GPR39: variants seen among roughly 807,000 people sequenced by gnomAD.
GPR39 encodes zinc sensing receptor.
Under a neutral mutation model 18.4 loss-of-function variants are expected in GPR39, and 23 were observed. That is an observed-to-expected ratio of 1.25 (90% confidence interval 0.90 to 1.77). The LOEUF is 1.77. Among genes scored for constraint, GPR39 ranks in the 40% most tolerant of loss-of-function variants. GPR39 has a pLI of 0.00. For missense variants in GPR39, 647 were observed against 602.4 expected, an observed-to-expected ratio of 1.07 and a Z score of -0.78; for synonymous variants, 280 against 257.9, an observed-to-expected ratio of 1.09 and a Z score of -0.82.
chr2:132,446,982 T>C (rs1488216742), intron 1 of GPR39, among the ~76,000 whole-genome samples: 3 of 152,022 alleles, frequency 2.0e-5, no homozygotes, highest in Non-Finnish European at 4.4e-5. Context: ...CCAAGGGGCA[T>C]GTAATAGTGT....
At chr2:132,615,770 T>C (rs948037020) in intron 1 of GPR39, among the ~76,000 whole-genome samples, 3 of 152,164 alleles carry the variant, frequency 2.0e-5, no homozygotes, top group African/African-American at 7.2e-5. Flanking sequence ...AGTCACTGTT[T>C]TGATGTGGGC....
intron 1 of GPR39, among the ~76,000 whole-genome samples, chr2:132,594,167 C>G (rs116140808): frequency 9.9e-5 from 15 of 152,236 alleles, no homozygotes; most frequent in Non-Finnish European, 2.1e-4. Context: ...CATACCCACC[C>G]CATTCTGCCT....
intron 1 of GPR39, among the ~76,000 whole-genome samples, chr2:132,439,145 C>G (rs904622133): frequency 6.6e-6 from 1 of 152,164 alleles, no homozygotes; most frequent in Non-Finnish European, 1.5e-5. Context: ...CCATTCGTAA[C>G]AAGCATTAGA....
At chr2:132,632,792 C>G (rs1037363793) in intron 1 of GPR39, among the ~76,000 whole-genome samples, 6 of 152,144 alleles carry the variant, frequency 3.9e-5, no homozygotes, top group African/African-American at 1.4e-4. Flanking sequence ...TTAATTTTAG[C>G]TGAGTATTAC....
chr2:132,524,944 C>G (rs1679483572), intron 1 of GPR39, among the ~76,000 whole-genome samples: 1 of 152,160 alleles, frequency 6.6e-6, no homozygotes, highest in Admixed American at 6.5e-5. Context: ...TTATACAGCC[C>G]ATACTCAAGC....
chr2:132,594,141 T>A (rs1437321229), intron 1 of GPR39, among the ~76,000 whole-genome samples: 1 of 152,106 alleles, frequency 6.6e-6, no homozygotes, highest in African/African-American at 2.4e-5. Flanking sequence ...CACTACCTTA[T>A]CACTGGGGGA....
intron 1 of GPR39, among the ~76,000 whole-genome samples, chr2:132,481,009 G>T (rs1238188011): frequency 6.6e-6 from 1 of 152,170 alleles, no homozygotes; most frequent in Admixed American, 6.5e-5. Flanking sequence ...AGGATTGGTT[G>T]TAAAAATTAG....
intron 1 of GPR39, among the ~76,000 whole-genome samples, chr2:132,522,324 T>C (rs1380422598): frequency 6.6e-6 from 1 of 152,166 alleles, no homozygotes; most frequent in African/African-American, 2.4e-5. Flanking sequence ...GGAAGGGACT[T>C]TATCCTATCC....
chr2:132,595,282 G>A (rs1301034949), intron 1 of GPR39, among the ~76,000 whole-genome samples: 2 of 152,152 alleles, frequency 1.3e-5, no homozygotes, highest in East Asian at 3.9e-4. Flanking sequence ...GATTATAGGT[G>A]TGAGCCACCG....
intron 1 of GPR39, among the ~76,000 whole-genome samples, chr2:132,640,611 C>T (rs1421732607): frequency 3.3e-5 from 5 of 152,148 alleles, no homozygotes; most frequent in Admixed American, 6.5e-5. Flanking sequence ...CATTACACCA[C>T]ACAGACCAAA....
chr2:132,439,385 C>T (rs1011265226), intron 1 of GPR39, among the ~76,000 whole-genome samples: 2 of 152,256 alleles, frequency 1.3e-5, no homozygotes, highest in South Asian at 2.1e-4. Context: ...TGCCAAGAGG[C>T]GCTTGGTAAA....
intron 1 of GPR39, among the ~76,000 whole-genome samples, chr2:132,643,506 T>C (rs1315906644): frequency 6.6e-6 from 1 of 152,190 alleles, no homozygotes; most frequent in African/African-American, 2.4e-5. Flanking sequence ...GGCTGTTTTT[T>C]CCTGGAGCAT....
intron 1 of GPR39, among the ~76,000 whole-genome samples, chr2:132,531,183 A>G (rs996294643): frequency 1.5e-4 from 23 of 152,194 alleles, no homozygotes; most frequent in African/African-American, 4.6e-4. Context: ...TGGAAAACAA[A>G]AAAAGGCAGG....
intron 1 of GPR39, among the ~76,000 whole-genome samples, chr2:132,529,898 G>A (rs886864438): frequency 6.6e-6 from 1 of 152,054 alleles, no homozygotes; most frequent in Non-Finnish European, 1.5e-5. Flanking sequence ...CCACAAAGAT[G>A]GGGAAAAAAC....
intron 1 of GPR39, among the ~76,000 whole-genome samples, chr2:132,518,426 C>T (rs1167907035): frequency 6.6e-6 from 1 of 152,172 alleles, no homozygotes; most frequent in Non-Finnish European, 1.5e-5. Flanking sequence ...TTTATTTTCT[C>T]CAACTTGATG....
At chr2:132,583,480 T>G (rs1386469250) in intron 1 of GPR39, among the ~76,000 whole-genome samples, 1 of 151,914 alleles carries the variant, frequency 6.6e-6, no homozygotes, top group Non-Finnish European at 1.5e-5. Context: ...GGTTAATGTC[T>G]TTAGGGTGCC....
chr2:132,567,736 T>C (rs189853778), intron 1 of GPR39, among the ~76,000 whole-genome samples: 3 of 152,322 alleles, frequency 2.0e-5, no homozygotes, highest in African/African-American at 7.2e-5. Context: ...CAGTGGTCTT[T>C]TACCTTGGCT....
intron 1 of GPR39, among the ~76,000 whole-genome samples, chr2:132,477,307 G>T (rs1282191333): frequency 6.6e-6 from 1 of 152,166 alleles, no homozygotes; most frequent in East Asian, 1.9e-4. Flanking sequence ...ACAAGGAAGG[G>T]CTTCTCAGGT....
At chr2:132,469,667 A>T (rs1217233511) in intron 1 of GPR39, among the ~76,000 whole-genome samples, 1 of 152,190 alleles carries the variant, frequency 6.6e-6, no homozygotes, top group Non-Finnish European at 1.5e-5. Flanking sequence ...CAGACAGTGC[A>T]ATCAGCAGCC....
Sources: allele counts gnomAD v4.1 joint callset (sites outside exome capture counted in the v4.1 genomes callset), GRCh38; gene constraint gnomAD v4.1.1; transcripts MANE v1.5; gene names NCBI Gene and HGNC (gene_info 2026-07-23, HGNC 2026-07-21).